LAMC3: variants seen among roughly 807,000 people sequenced by gnomAD.
LAMC3 encodes the protein laminin subunit gamma-3.
In LAMC3, 128 loss-of-function variants were observed where a neutral mutation model predicts 173.8. That is an observed-to-expected ratio of 0.74 (90% CI 0.64 to 0.85). The LOEUF is 0.85. Among genes scored for constraint, LAMC3 ranks in the 40% least tolerant of loss-of-function variants. The pLI is 0.00. For missense variants in LAMC3, 2,022 were observed against 2,156.0 expected, an observed-to-expected ratio of 0.94 and a Z score of 1.23; for synonymous variants, 897 against 909.1, an observed-to-expected ratio of 0.99 and a Z score of 0.24.
chr9:131,038,916 C>A lies in LAMC3; in HGVS notation c.1029C>A (p.Phe343Leu). Residue 343 changes from phenylalanine to leucine, a missense_variant, in exon 5 of 28, where the codon TTC becomes TTA. Physicochemically the swap from Phe to Leu is conservative, Grantham distance 22. Coordinates refer to ENST00000361069, the MANE Select transcript of LAMC3 (RefSeq NM_006059.4). ...AATGCACGTTTGATCGGGAGCTCTTCCGCAGCACAGGCCACGGCGGGCGCT... is the reference window on the plus strand; with the variant it reads ...AATGCACGTTTGATCGGGAGCTCTTACGCAGCACAGGCCACGGCGGGCGCT... ...SEECTFDRELFRSTGHGGRCH... is the reference protein window; with the variant it reads ...SEECTFDRELLRSTGHGGRCH... The A allele has an allele frequency of 1.9e-6, 3 of 1,613,476 alleles. No homozygotes were observed. The highest frequency in any genetic ancestry group is 2.5e-6 in the Non-Finnish European group (3 of 1,180,034).
chr9:131,060,368 G>A (rs1829782798), intron 12 of LAMC3, among the ~76,000 whole-genome samples: 1 of 152,212 alleles, frequency 6.6e-6, no homozygotes, highest in South Asian at 2.1e-4. Context: ...TGCTGGCCGG[G>A]CACGGTGGCT....
intron 1 of LAMC3, among the ~76,000 whole-genome samples, chr9:131,012,654 G>A (rs936971997): frequency 5.3e-5 from 8 of 152,244 alleles, no homozygotes; most frequent in Admixed American, 3.3e-4. Flanking sequence ...GCATAATAGC[G>A]GGGGAAGGAG....
In LAMC3 at chr9:131,072,716, G is replaced by T; in HGVS notation, c.3298G>T (p.Gly1100Cys). The T allele has an allele frequency of 6.2e-7, 1 of 1,612,328 alleles. No individual in the cohort carries two copies. Among genetic ancestry groups the T allele is most frequent in the African/African-American group, 1.3e-5 (1 of 74,998 alleles). The change falls in exon 19 of 28, where the codon GGT becomes TGT. Residue 1100 changes from glycine (G) to cysteine (C), a missense_variant. Transcript: ENST00000361069. ...AREQLQRLNK[G>C]ARCAQAGSQK... ...GGAGCAGCTGCAGAGGCTGAACAAG[G>T]GTGCCCGCTGTGCCCAGGCCGGATC...
chr9:131,045,782 A>G, intron 8 of LAMC3, 122 bp downstream of exon 8: 1 of 1,274,714 alleles, frequency 7.8e-7, no homozygotes, highest in Non-Finnish European at 1.1e-6. Context: ...ACAGGCCTGC[A>G]CAGCCTAGGT....
At position 131,079,301 on chromosome 9, in the gene LAMC3, C is replaced by A; in HGVS notation, c.3927+3C>A. 6.2e-7 allele frequency: 1 copy of A among 1,614,070 alleles called. No homozygotes were observed. The highest frequency in any genetic ancestry group is 8.5e-7 in the Non-Finnish European group (1 of 1,179,978). On this transcript the variant is annotated splice_donor_region_variant and intron_variant, in intron 23 of 27. Coordinates refer to ENST00000361069, the MANE Select transcript of LAMC3 (RefSeq NM_006059.4). ...GGCAAACAGAACCCCTCACAAAGGT[C>A]AGCTCTTGTGCTTTGAAGCAGGGGA...
intron 1 of LAMC3, among the ~76,000 whole-genome samples, chr9:131,018,058 C>T (rs1478938849): frequency 6.6e-6 from 1 of 151,796 alleles, no homozygotes; most frequent in Non-Finnish European, 1.5e-5. Context: ...TAAAAGAAAG[C>T]AGCTTAATCC....
chr9:131,091,874 C>A lies in LAMC3; in HGVS notation c.*87C>A. The A allele has an allele frequency of 2.6e-6, 4 of 1,517,772 alleles. No homozygotes were observed. The highest frequency in any genetic ancestry group is 1.2e-5 in the South Asian group (1 of 85,616). 94.0% of individuals were successfully genotyped at this position (1,517,772 alleles called of 1,614,324 possible). On this transcript the variant is annotated 3_prime_UTR_variant, in exon 28 of 28. Transcript: ENST00000361069. ...ACACTACCCCACAGGTGTGCCCATA[C>A]AGACATTCCCCGGAGCCGGCTGCTG...
Position 131,043,386 on chromosome 9 carries a change from G to A in LAMC3, c.1382+1651G>A, listed in dbSNP as rs140207747. ...TGGAGAAGTGGCAGATTCTGGGGCT[G>A]GGGCTGGAAAAAGACAAGATAAGCC... On this transcript the variant is annotated intron_variant, in intron 7 of 27. Transcript: ENST00000361069. Among the ~76,000 whole-genome samples, 20 of 152,294 alleles carry A rather than the reference G, an allele frequency of 1.3e-4. No homozygotes were observed. In the East Asian group the frequency reaches 3.3e-3, roughly 25 times the overall value.
chr9:131,017,798 G>T (rs1330167612), intron 1 of LAMC3, among the ~76,000 whole-genome samples: 1 of 151,688 alleles, frequency 6.6e-6, no homozygotes, highest in Non-Finnish European at 1.5e-5. Context: ...GGCTGAGGCG[G>T]GCGGATCACC....
intron 1 of LAMC3, among the ~76,000 whole-genome samples, chr9:131,019,882 C>T (rs926815623): frequency 2.6e-5 from 4 of 151,808 alleles, no homozygotes; most frequent in South Asian, 4.2e-4. Flanking sequence ...AGCAGAGCCT[C>T]CCCCGGCCGG....
At chr9:131,086,751 A>G (rs1830339337) in intron 25 of LAMC3, among the ~76,000 whole-genome samples, 2 of 151,600 alleles carry the variant, frequency 1.3e-5, no homozygotes, top group Non-Finnish European at 2.9e-5. Flanking sequence ...TTAGCCGGGC[A>G]TGGTGGCTCG....
At chr9:131,045,730 G>A (rs2133268049) in intron 8 of LAMC3, 70 bp downstream of exon 8, 5 of 1,567,150 alleles carry the variant, frequency 3.2e-6, no homozygotes, top group South Asian at 2.2e-5. Context: ...CCTGCCCTGG[G>A]GAGATCTTGC....
At chr9:131,041,456 A>G (rs978294129) in intron 6 of LAMC3, among the ~76,000 whole-genome samples, 181 bp from the exon 7 acceptor site, 3 of 151,370 alleles carry the variant, frequency 2.0e-5, no homozygotes, top group African/African-American at 7.3e-5. Flanking sequence ...AAGATGGACC[A>G]CTGTACCAGT....
At chr9:131,064,582 G>C (rs1271749531) in intron 13 of LAMC3, among the ~76,000 whole-genome samples, 2 of 151,466 alleles carry the variant, frequency 1.3e-5, no homozygotes, top group Non-Finnish European at 2.9e-5. Flanking sequence ...AGAATGGCGT[G>C]AACCCCGGGG....
intron 1 of LAMC3, among the ~76,000 whole-genome samples, chr9:131,011,873 G>A (rs1431290295): frequency 6.6e-6 from 1 of 152,098 alleles, no homozygotes; most frequent in Non-Finnish European, 1.5e-5. Flanking sequence ...GGGAGAAATG[G>A]CCAAGTTTTT....
chr9:131,069,357 C>T (rs1349432688), intron 16 of LAMC3, among the ~76,000 whole-genome samples: 3 of 152,174 alleles, frequency 2.0e-5, no homozygotes. Flanking sequence ...CTGTTAAGTG[C>T]CTGTGTGCCT....
chr9:131,057,056 G>A lies in LAMC3; in HGVS notation c.2067G>A (p.Pro689=), dbSNP rs149095454. 1.8e-5 allele frequency: 29 copies of A among 1,613,988 alleles called. No homozygotes were observed. Among genetic ancestry groups the A allele is most frequent in the East Asian group, 4.5e-5 (2 of 44,892 alleles). ...YTGQFCESCA[P]GYKREMPQGG... is the part of the protein sequence containing the mutation. ...GCCAGTTCTGTGAATCCTGTGCTCC[G>A]GGATACAAGAGGGAGATGCCACAGG... The change falls in exon 12 of 28, where the codon CCG becomes CCA. Residue 689 remains proline (P), a synonymous_variant. Transcript: ENST00000361069.
rs1385134825 is a variant in LAMC3 at position 131,057,149 on chromosome 9, TGA to T, written c.2158+4_2158+5del. On this transcript the variant is annotated splice_donor_region_variant and intron_variant, in intron 12 of 27. Transcript: ENST00000361069. ...ATGGCACCTGTGACCCCAACACAGG[TGA>T]GTCTCCTGGCACCCCATCCGAAGGC... 6.2e-7 allele frequency: 1 copy of T among 1,613,158 alleles called. No individual in the cohort carries two copies. The highest frequency in any genetic ancestry group is 8.5e-7 in the Non-Finnish European group (1 of 1,179,330).
chr9:131,049,048 G>A lies in LAMC3; in HGVS notation c.1548G>A (p.Val516=), dbSNP rs1045584374. 5 of 1,551,234 alleles carry A rather than the reference G, an allele frequency of 3.2e-6. No individual in the cohort carries two copies. In the African/African-American group the frequency reaches 4.1e-5, roughly 13 times the overall value. The change falls in exon 9 of 28, where the codon GTG becomes GTA. Residue 516 remains valine (V), a synonymous_variant. Coordinates refer to ENST00000361069, the MANE Select transcript of LAMC3 (RefSeq NM_006059.4). The part of the protein sequence containing the change: ...QGAEGWWARS[V]GGSEHPPQWS... The stretch of plus-strand genomic sequence containing the variant: ...CCGAAGGCTGGTGGGCCAGAAGTGT[G>A]GGGGGCTCTGAGCACCCCCCACAAT...
Sources: allele counts gnomAD v4.1 joint callset (sites outside exome capture counted in the v4.1 genomes callset), GRCh38; gene constraint gnomAD v4.1.1; transcripts MANE v1.5; gene names NCBI Gene and HGNC (gene_info 2026-07-23, HGNC 2026-07-21).